Variants in CDC25C observed in about 807,000 individuals in gnomAD.
The protein encoded by CDC25C is cell division cycle 25C.
In CDC25C, 48 loss-of-function variants were observed where a neutral mutation model predicts 52.5. The observed-to-expected ratio is 0.91, with a 90% CI of 0.72 to 1.16. CDC25C has a LOEUF of 1.16. CDC25C is among the 50% of genes most tolerant of loss of function. CDC25C has a pLI of 0.00. For missense variants in CDC25C, 510 were observed against 566.1 expected, an observed-to-expected ratio of 0.90 and a Z score of 1.01; for synonymous variants, 187 against 206.5, an observed-to-expected ratio of 0.91 and a Z score of 0.81.
chr5:138,288,946 T>C (rs954938605), intron 10 of CDC25C, among the ~76,000 whole-genome samples: 4 of 152,148 alleles, frequency 2.6e-5, no homozygotes, highest in African/African-American at 9.7e-5. Flanking sequence ...TTTATTTTCC[T>C]TTCTTTCTCC....
rs781072438 is a variant in CDC25C, at chr5:138,338,287, C to T, written c.-319G>A. 11 of 818,202 alleles carry T rather than the reference C, an allele frequency of 1.3e-5. No homozygotes were observed. In the East Asian group the frequency reaches 3.2e-4, roughly 24 times the overall value. 50.7% of individuals were successfully genotyped at this position (818,202 alleles called of 1,614,324 possible). ...GCTCAGAGCTGCTCCGGCCGCGGCC[C>T]TGGGAGCTGGAGGAACCGCGGTAGG... On this transcript the variant is annotated 5_prime_UTR_variant, in exon 1 of 6. Transcript: ENST00000510119.
At chr5:138,288,640 C>T (rs1393537918) in intron 10 of CDC25C, among the ~76,000 whole-genome samples, 5 of 152,004 alleles carry the variant, frequency 3.3e-5, no homozygotes, top group South Asian at 2.1e-4. Flanking sequence ...TGCAGCAAGC[C>T]GAGATTGTGC....
At chr5:138,304,804 G>A (rs938065359) in intron 7 of CDC25C, among the ~76,000 whole-genome samples, 2 of 151,982 alleles carry the variant, frequency 1.3e-5, no homozygotes, top group Non-Finnish European at 2.9e-5. Context: ...CAAACCACCC[G>A]TTGACTTCCA....
At chr5:138,294,121 G>A (rs1211705001) in intron 7 of CDC25C, among the ~76,000 whole-genome samples, 2 of 150,704 alleles carry the variant, frequency 1.3e-5, no homozygotes, top group African/African-American at 4.9e-5. Flanking sequence ...CGCCTCCCAG[G>A]TTCAAGTGAT....
Position 138,289,573 on chromosome 5 carries a change from C to T in CDC25C, c.865-10G>A. On this transcript the variant is annotated splice_polypyrimidine_tract_variant and intron_variant, in intron 9 of 13. Transcript: ENST00000323760. ...TTGGCAGCGCACATACCTAGAAATA[C>T]ACAAGAGCTGAAATAACAGCAAGTA... The T allele has an allele frequency of 1.2e-6, 2 of 1,609,804 alleles. No individual in the cohort carries two copies. Among genetic ancestry groups the T allele is most frequent in the Non-Finnish European group, 1.7e-6 (2 of 1,176,088 alleles).
At chr5:138,338,060 C>T (rs967341622) in exon 1 of CDC25C, 6 of 1,289,586 alleles carry the variant, frequency 4.7e-6, no homozygotes, top group African/African-American at 3.0e-5. Context: ...GTGAGGAAAC[C>T]ACCCCCATCC....
At chr5:138,334,390 C>G (rs922362963), upstream of CDC25C, among the ~76,000 whole-genome samples, 2 of 151,762 alleles carry the variant, frequency 1.3e-5, no homozygotes, top group African/African-American at 4.8e-5. Context: ...GAGACAGTTT[C>G]TTTCTTGTTG....
intron 11 of CDC25C, 151 bp from the exon 12 acceptor site, chr5:138,286,781 T>C: frequency 1.6e-6 from 1 of 641,714 alleles, no homozygotes; most frequent in East Asian, 2.8e-5. Context: ...TATATCTCTG[T>C]ATATACCCTG....
chr5:138,310,708 C>A (rs992881706), intron 7 of CDC25C, among the ~76,000 whole-genome samples: 7 of 152,132 alleles, frequency 4.6e-5, no homozygotes, highest in Admixed American at 2.6e-4. Flanking sequence ...CTAAAAGTGG[C>A]AGAGTCAAGC....
intron 7 of CDC25C, among the ~76,000 whole-genome samples, chr5:138,317,516 C>CA (rs1243137450): frequency 6.6e-6 from 1 of 151,510 alleles, no homozygotes; most frequent in South Asian, 2.1e-4. Flanking sequence ...CACATCGCTA[C>CA]AAAAAATACA....
At chr5:138,338,071 C>G in exon 1 of CDC25C, 1 of 1,289,802 alleles carries the variant, frequency 7.8e-7, no homozygotes, top group Non-Finnish European at 1.0e-6. Context: ...ACCCCCATCC[C>G]TAAATCAAAG....
intron 6 of CDC25C, among the ~76,000 whole-genome samples, chr5:138,320,091 G>A (rs1018093220): frequency 1.3e-5 from 2 of 152,206 alleles, no homozygotes; most frequent in African/African-American, 4.8e-5. Flanking sequence ...CAGATCACGA[G>A]GTCAGGAGTT....
At position 138,329,726 on chromosome 5, in the gene CDC25C, CTTTTTTTTTT is replaced by C. The variant is rs71574413; in HGVS notation, c.195-89_195-80del. The stretch of plus-strand genomic sequence containing the variant: ...AAGTCAAAGATCATGTCATCCTCTT[CTTTTTTTTTT>C]TTTTTTTTTTTTGCAGTGGAGTCTT... On this transcript the variant is annotated intron_variant, in intron 2 of 13. Coordinates refer to ENST00000323760, the MANE Select transcript of CDC25C (RefSeq NM_001790.5). 141 of 293,710 alleles carry C rather than the reference CTTTTTTTTTT, an allele frequency of 4.8e-4. No homozygotes were observed. The East Asian group carries it at 8.3e-3, about 17-fold the overall frequency. The allele number at this position is 293,710 out of a possible 1,614,324, so 18.2% of individuals were successfully genotyped here. A position where few individuals can be genotyped will look rare whatever the true frequency, so the allele number is the denominator to read the frequency against.
intron 8 of CDC25C, among the ~76,000 whole-genome samples, chr5:138,291,297 A>G (rs1756688713): frequency 6.6e-6 from 1 of 152,068 alleles, no homozygotes; most frequent in Non-Finnish European, 1.5e-5. Context: ...AACCTGCTAT[A>G]TGATGTTGTT....
Position 138,325,860 on chromosome 5 carries a change from A to G in CDC25C, c.414T>C (p.His138=), listed in dbSNP as rs1196642195. The G allele has an allele frequency of 6.2e-7, 1 of 1,614,124 alleles. No homozygotes were observed. Among genetic ancestry groups the G allele is most frequent in the South Asian group, 1.1e-5 (1 of 91,084 alleles). Residue 138 remains histidine (H), a synonymous_variant, in exon 6 of 14, where the codon CAT becomes CAC. Transcript: ENST00000323760. ...CSTPNGLDRG[H]RKRDAMCSSS... is the part of the protein sequence containing the mutation. The stretch of plus-strand genomic sequence containing the variant: ...AACTACACATTGCATCTCTCTTTCT[A>G]TGGCCACGGTCCAAACCATTCGGAG...
At chr5:138,315,576 C>T (rs1023761755) in intron 7 of CDC25C, among the ~76,000 whole-genome samples, 1 of 152,140 alleles carries the variant, frequency 6.6e-6, no homozygotes, top group African/African-American at 2.4e-5. Context: ...TTCATTAACA[C>T]ATCCTTCATC....
intron 7 of CDC25C, among the ~76,000 whole-genome samples, chr5:138,296,628 CAG>C (rs1343205982): frequency 7.0e-6 from 1 of 143,180 alleles, no homozygotes; most frequent in African/African-American, 2.6e-5. Flanking sequence ...TTTTTTGAGA[CAG>C]AGTCTCGCTC....
chr5:138,337,242 C>T (rs1760765770), intron 1 of CDC25C: 1 of 152,344 alleles, frequency 6.6e-6, no homozygotes, highest in Non-Finnish European at 1.5e-5. Flanking sequence ...AAACCATCAA[C>T]CCAACCTCTT....
chr5:138,292,395 A>G (rs571862701), intron 7 of CDC25C, among the ~76,000 whole-genome samples: 1 of 150,358 alleles, frequency 6.7e-6, no homozygotes, highest in South Asian at 2.1e-4. Context: ...AACTAGCCAA[A>G]CCAAATTCTG....
Sources: gnomAD v4.1 joint callset for allele counts (sites outside exome capture counted in the v4.1 genomes callset) on GRCh38, gnomAD v4.1.1 for gene constraint, MANE v1.5 for transcripts, NCBI Gene and HGNC (gene_info 2026-07-23, HGNC 2026-07-21) for gene names.